BMPR1B: variants seen among roughly 807,000 people sequenced by gnomAD.
BMPR1B encodes bone morphogenetic protein receptor type 1B, also known as bone morphogenetic protein receptor type-1B.
Under a neutral mutation model 59.1 loss-of-function variants are expected in BMPR1B, and 12 were observed. The ratio of observed to expected loss-of-function variants is 0.20; its 90% CI spans 0.13 to 0.33. The LOEUF (loss-of-function observed/expected upper bound fraction) is 0.33. Ranked by LOEUF, BMPR1B falls within the 10% of genes least tolerant of loss-of-function variation. The pLI, the probability that BMPR1B is intolerant of heterozygous loss-of-function variation, is 1.00. For missense variants in BMPR1B, 550 were observed against 610.9 expected, an observed-to-expected ratio of 0.90 and a Z score of 1.05; for synonymous variants, 237 against 207.3, an observed-to-expected ratio of 1.14 and a Z score of -1.23.
At chr4:95,061,942 T>A (rs977964739) in intron 3 of BMPR1B, among the ~76,000 whole-genome samples, 1 of 152,078 alleles carries the variant, frequency 6.6e-6, no homozygotes, top group Non-Finnish European at 1.5e-5. Flanking sequence ...TCTCATGAGA[T>A]CTGATGGTTT....
intron 3 of BMPR1B, among the ~76,000 whole-genome samples, chr4:95,039,414 A>ACTT (rs1339984801): frequency 1.6e-5 from 2 of 126,108 alleles, no homozygotes; most frequent in African/African-American, 3.1e-5. Flanking sequence ...GGTTCATTTT[A>ACTT]CTTCTTCTTT....
chr4:95,143,881 T>C (rs1734434945), intron 10 of BMPR1B, among the ~76,000 whole-genome samples: 1 of 152,156 alleles, frequency 6.6e-6, no homozygotes, highest in Admixed American at 6.6e-5. Flanking sequence ...CTTTTCCACA[T>C]TATATAGTTG....
At chr4:95,138,946 C>T (rs1242430090) in intron 10 of BMPR1B, among the ~76,000 whole-genome samples, 2 of 152,150 alleles carry the variant, frequency 1.3e-5, no homozygotes, top group Non-Finnish European at 2.9e-5. Context: ...CAGCTTTGTT[C>T]CATTGCTGGT....
At chr4:95,045,339 A>G (rs1246901583) in intron 3 of BMPR1B, among the ~76,000 whole-genome samples, 1 of 152,180 alleles carries the variant, frequency 6.6e-6, no homozygotes, top group East Asian at 1.9e-4. Context: ...TGCACAATGG[A>G]AAGTAACCTG....
At chr4:95,010,615 G>A (rs982744788) in intron 3 of BMPR1B, among the ~76,000 whole-genome samples, 3 of 152,180 alleles carry the variant, frequency 2.0e-5, no homozygotes, top group African/African-American at 4.8e-5. Context: ...ATGAAAATTG[G>A]TTAGTTCTTC....
chr4:95,002,805 G>A (rs928221095), intron 3 of BMPR1B, among the ~76,000 whole-genome samples: 17 of 152,102 alleles, frequency 1.1e-4, no homozygotes, highest in South Asian at 8.3e-4. Flanking sequence ...TAAATGTCTT[G>A]CCTGCAAAGA....
intron 3 of BMPR1B, among the ~76,000 whole-genome samples, chr4:95,071,125 CG>C (rs1553933707): frequency 6.6e-6 from 1 of 152,116 alleles, no homozygotes; most frequent in Non-Finnish European, 1.5e-5. Context: ...TTCACCAACA[CG>C]TTTTTCATGT....
chr4:94,961,360 C>A (rs1432631937), intron 2 of BMPR1B, among the ~76,000 whole-genome samples: 8 of 152,148 alleles, frequency 5.3e-5, no homozygotes, highest in Admixed American at 4.6e-4. Context: ...TCAGAGACCA[C>A]ATGGCCGGCA....
chr4:95,064,587 GAA>G (rs1727659298), intron 3 of BMPR1B, among the ~76,000 whole-genome samples: 1 of 152,080 alleles, frequency 6.6e-6, no homozygotes, highest in African/African-American at 2.4e-5. Flanking sequence ...CCAAGAAAGT[GAA>G]AAGACAGTCC....
At chr4:94,894,189 A>T (rs1247517614) in intron 2 of BMPR1B, among the ~76,000 whole-genome samples, 3 of 152,034 alleles carry the variant, frequency 2.0e-5, no homozygotes, top group Admixed American at 2.0e-4. Context: ...GAGATGCATA[A>T]TGCAAAAATA....
chr4:95,028,150 G>A (rs183066531), intron 3 of BMPR1B, among the ~76,000 whole-genome samples: 168 of 152,040 alleles, frequency 1.1e-3, no homozygotes, highest in African/African-American at 3.8e-3. Flanking sequence ...TTTGAAGGAG[G>A]GTTTTGCTAA....
chr4:94,776,993 T>G (rs1449067113), intron 1 of BMPR1B, among the ~76,000 whole-genome samples: 4 of 152,184 alleles, frequency 2.6e-5, no homozygotes, highest in African/African-American at 7.2e-5. Flanking sequence ...GATTTATGAA[T>G]TTTTCCTTAT....
chr4:94,860,642 T>C (rs1725941460), intron 1 of BMPR1B, among the ~76,000 whole-genome samples: 1 of 152,184 alleles, frequency 6.6e-6, no homozygotes. Flanking sequence ...CTTTTATTTT[T>C]TAGTTTTTGT....
intron 2 of BMPR1B, among the ~76,000 whole-genome samples, chr4:94,990,676 T>TTTG (rs34003455): frequency 0.7 from 105,422 of 150,012 alleles, 38,385 homozygotes; most frequent in East Asian, 0.83. Context: ...GGAATGAGGT[T>TTTG]TTGTTGTTGT....
chr4:95,118,104 C>T (rs1314120841), intron 6 of BMPR1B, among the ~76,000 whole-genome samples: 2 of 152,136 alleles, frequency 1.3e-5, no homozygotes, highest in African/African-American at 4.8e-5. Flanking sequence ...CTGAGGATCT[C>T]AGGTGGTACT....
At chr4:95,015,088 C>T (rs916586086) in intron 3 of BMPR1B, among the ~76,000 whole-genome samples, 2 of 152,082 alleles carry the variant, frequency 1.3e-5, no homozygotes, top group East Asian at 1.9e-4. Context: ...GTTTTTTGCT[C>T]AGTGCTGACA....
intron 12 of BMPR1B, among the ~76,000 whole-genome samples, chr4:95,153,877 C>T (rs1380256790): frequency 6.6e-6 from 1 of 152,072 alleles, no homozygotes; most frequent in Non-Finnish European, 1.5e-5. Flanking sequence ...ACAAAAACAC[C>T]TTTGGCTCAT....
intron 3 of BMPR1B, among the ~76,000 whole-genome samples, chr4:95,089,355 T>C (rs1729818163): frequency 6.6e-6 from 1 of 152,056 alleles, no homozygotes; most frequent in African/African-American, 2.4e-5. Context: ...GGAGAGCCCA[T>C]ATTGACAGTT....
intron 3 of BMPR1B, among the ~76,000 whole-genome samples, chr4:95,069,246 T>C (rs1042660320): frequency 6.6e-6 from 1 of 152,216 alleles, no homozygotes; most frequent in Non-Finnish European, 1.5e-5. Context: ...ATCTCCTGAC[T>C]GGCTCTCTGC....
Sources: allele counts gnomAD v4.1 joint callset (sites outside exome capture counted in the v4.1 genomes callset), GRCh38; gene constraint gnomAD v4.1.1; transcripts MANE v1.5; gene names NCBI Gene and HGNC (gene_info 2026-07-23, HGNC 2026-07-21).